ICE1: variants seen among roughly 807,000 people sequenced by gnomAD.
ICE1 encodes interactor of little elongation complex ELL subunit 1.
A neutral mutation model predicts 192.7 loss-of-function variants in ICE1; 64 were observed. The ratio of observed to expected loss-of-function variants is 0.33; its 90% confidence interval spans 0.27 to 0.41. The LOEUF (loss-of-function observed/expected upper bound fraction) is 0.41, where lower values mean the gene tolerates loss of function less well. ICE1 is among the 10% of genes least tolerant of loss of function. The pLI, the probability that ICE1 is intolerant of heterozygous loss-of-function variation, is 1.00. For missense variants in ICE1, 2,708 were observed against 2,696.0 expected (o/e 1.00, Z -0.10); for synonymous variants, 1,010 against 984.5 (o/e 1.03, Z -0.49).
intron 1 of ICE1, among the ~76,000 whole-genome samples, chr5:5,435,608 G>C (rs773981199): frequency 6.6e-6 from 1 of 151,048 alleles, no homozygotes; most frequent in African/African-American, 2.4e-5. Context: ...GTGTAACTAA[G>C]GATGTTTTTC....
In ICE1 at chr5:5,460,639, T is replaced by C. The variant is rs778990877; in HGVS notation, c.1305T>C (p.Asn435=). 1 of 1,613,804 alleles carries C rather than the reference T, an allele frequency of 6.2e-7. No homozygotes were observed. The highest frequency in any genetic ancestry group is 1.1e-5 in the South Asian group (1 of 91,042). ...AAGCTCTGAATACATGGGAAGTAAA[T>C]AAAGTGACAACTTCTGGACTCGAGA... ...AIQALNTWEV[N]KVTTSGLETF... Residue 435 remains asparagine (N), a synonymous_variant, in exon 13 of 19, where the codon AAT becomes AAC. Coordinates refer to ENST00000296564, the MANE Select transcript of ICE1 (RefSeq NM_015325.3).
chr5:5,437,095 A>C lies in ICE1; in HGVS notation c.159A>C (p.Glu53Asp). 6.5e-7 allele frequency: 1 copy of C among 1,532,682 alleles called. No individual in the cohort carries two copies. Among genetic ancestry groups the C allele is most frequent in the Non-Finnish European group, 8.9e-7 (1 of 1,124,314 alleles). 94.9% of individuals were successfully genotyped at this position (1,532,682 alleles called of 1,614,324 possible). The change falls in exon 3 of 19, where the codon GAA becomes GAC. Residue 53 changes from glutamate (E) to aspartate (D), a missense_variant. Glu to Asp is a conservative substitution (Grantham distance 45). Around this residue, in one of 2 missense-constraint regions of ICE1, gnomAD observed 2,366 missense variants for 2,276.6 expected, o/e 1.04. Coordinates refer to ENST00000296564, the MANE Select transcript of ICE1 (RefSeq NM_015325.3). ...TTTTTTGCAGTAATTTGTTAACAGA[A>C]TATCAGAAGAAATGTGATGATATCC... Reference protein sequence around the residue: ...KIINTDNLLTEYQKKCDELQF... With the variant: ...KIINTDNLLTDYQKKCDELQF...
In ICE1 at chr5:5,448,300, A is replaced by G. The variant is rs116371904; in HGVS notation, c.604+403A>G. ...GAATTAAAGCCTTATAGTATATTAT[A>G]TAGTAAAGCCCTATATAGTATAGAC... On this transcript the variant is annotated intron_variant, in intron 10 of 18. Coordinates refer to ENST00000296564, the MANE Select transcript of ICE1 (RefSeq NM_015325.3). Among the ~76,000 whole-genome samples, 1,243 of 152,332 alleles carry G rather than the reference A, an allele frequency of 8.2e-3. 5 individuals carry two copies. Among genetic ancestry groups the G allele is most frequent in the Non-Finnish European group, 0.013 (888 of 68,028 alleles).
In ICE1 at chr5:5,465,901, CTTAG is replaced by C. The variant is rs1278535237; in HGVS notation, c.5893-431_5893-428del. Reference sequence around the variant, plus strand: ...GCTCCTCTTAGGACAAAAAATGTTACTTAGTATTTTAAATTTAAACAGTATATAG... The same window carrying C: ...GCTCCTCTTAGGACAAAAAATGTTACTATTTTAAATTTAAACAGTATATAG... On this transcript the variant is annotated intron_variant, in intron 13 of 18. Transcript: ENST00000296564. 4.6e-5 allele frequency among the ~76,000 whole-genome samples: 7 copies of C among 152,174 alleles called. No homozygotes were observed. In the East Asian group the frequency reaches 1.4e-3, roughly 29 times the overall value.
At chr5:5,426,413 ACT>A (rs1185442578) in intron 1 of ICE1, among the ~76,000 whole-genome samples, 2 of 149,358 alleles carry the variant, frequency 1.3e-5, no homozygotes, top group African/African-American at 5.0e-5. Context: ...CCACCACTGC[ACT>A]CCAGCCTGGG....
chr5:5,428,823 T>G (rs1273504178), intron 1 of ICE1, among the ~76,000 whole-genome samples: 1 of 152,230 alleles, frequency 6.6e-6, no homozygotes, highest in Non-Finnish European at 1.5e-5. Flanking sequence ...CTTCATTTAG[T>G]CTTTGTCTTT....
intron 12 of ICE1, among the ~76,000 whole-genome samples, chr5:5,459,996 C>A (rs192828017): frequency 1.3e-5 from 2 of 152,234 alleles, no homozygotes; most frequent in Admixed American, 6.5e-5. Flanking sequence ...TCCCTCCCCC[C>A]CTGCACAAGG....
At chr5:5,476,891 C>T (rs181379896) in intron 17 of ICE1, among the ~76,000 whole-genome samples, 1 of 152,118 alleles carries the variant, frequency 6.6e-6, no homozygotes, top group Admixed American at 6.5e-5. Context: ...GTCACTTAAG[C>T]GAATTACAGA....
chr5:5,475,940 G>T, intron 16 of ICE1, 33 bp from the exon 17 acceptor site: 2 of 1,248,094 alleles, frequency 1.6e-6, no homozygotes, highest in Non-Finnish European at 1.2e-6. Flanking sequence ...GAGTGATGAT[G>T]AGCATACATC....
chr5:5,468,938 G>A lies in ICE1; in HGVS notation c.6172G>A (p.Ala2058Thr). 6.2e-7 allele frequency: 1 copy of A among 1,605,990 alleles called. No homozygotes were observed. Among genetic ancestry groups the A allele is most frequent in the Non-Finnish European group, 8.5e-7 (1 of 1,176,758 alleles). ...AATGCAGTTAGTTGCCAGGCAACGT[G>A]CTAAAGGAGAGGTTCTGAACTGCTT... ...KAMQLVARQR[A>T]KGEVLNCLRA... Residue 2058 changes from alanine (A) to threonine (T), a missense_variant, in exon 15 of 19, where the codon GCT becomes ACT. Physicochemically the swap from Ala to Thr is moderately conservative, Grantham distance 58. Around this residue, in one of 2 missense-constraint regions of ICE1, gnomAD observed 342 missense variants for 419.3 expected, o/e 0.82. Transcript: ENST00000296564.
rs1738887989 is a variant in ICE1, at chr5:5,463,925, G to A, written c.4591G>A (p.Glu1531Lys). 1.1e-5 allele frequency: 17 copies of A among 1,613,898 alleles called. No individual in the cohort carries two copies. The highest frequency in any genetic ancestry group is 1.4e-5 in the Non-Finnish European group (16 of 1,179,870). The change falls in exon 13 of 19, where the codon GAG (glutamate) becomes AAG (lysine). Residue 1531 changes from glutamate to lysine, a missense_variant. By Grantham distance (56) the Glu-to-Lys change is moderately conservative. Around this residue, in one of 2 missense-constraint regions of ICE1, gnomAD observed 2,366 missense variants for 2,276.6 expected, o/e 1.04. Coordinates refer to ENST00000296564, the MANE Select transcript of ICE1 (RefSeq NM_015325.3). ...ISSQIYDQNF[E>K]TQIVASDHTY... ...TTCTCAAATCTATGATCAAAACTTC[G>A]AGACTCAGATTGTTGCGTCTGATCA...
At chr5:5,446,565 C>T (rs1292575539) in intron 7 of ICE1, among the ~76,000 whole-genome samples, 5 of 152,072 alleles carry the variant, frequency 3.3e-5, no homozygotes, top group African/African-American at 4.8e-5. Flanking sequence ...GGATCACAGT[C>T]GTGAGCCACT....
At position 5,462,104 on chromosome 5, in the gene ICE1, A is replaced by C; in HGVS notation, c.2770A>C (p.Ile924Leu). 1 of 1,613,848 alleles carries C rather than the reference A, an allele frequency of 6.2e-7. No individual in the cohort carries two copies. Residue 924 changes from isoleucine to leucine, a missense_variant, in exon 13 of 19, where the codon ATT becomes CTT. Transcript: ENST00000296564. The stretch of plus-strand genomic sequence containing the variant: ...CACGGAGGTGGCTGCTGTGAAAAGC[A>C]TTTCACCAGAAGTTTCTGCCTCTAG... ...NITEVAAVKSISPEVSASRRK... is the reference protein window; with the variant it reads ...NITEVAAVKSLSPEVSASRRK...
chr5:5,473,478 T>G, intron 15 of ICE1, 80 bp from the exon 16 acceptor site: 1 of 1,208,786 alleles, frequency 8.3e-7, no homozygotes, highest in Non-Finnish European at 1.2e-6. Flanking sequence ...CGAATGCTTA[T>G]TATAGTCTTT....
intron 16 of ICE1, 88 bp downstream of exon 16, chr5:5,473,836 G>GT (rs1739234274): frequency 2.1e-6 from 2 of 940,506 alleles, no homozygotes; most frequent in East Asian, 5.7e-5. Flanking sequence ...CATTTTTGTC[G>GT]TTTAAGTGTG....
chr5:5,442,113 A>G (rs1015885410), intron 5 of ICE1, among the ~76,000 whole-genome samples: 3 of 152,194 alleles, frequency 2.0e-5, no homozygotes, highest in African/African-American at 7.2e-5. Context: ...AAATGCTGTA[A>G]ACTCCCTTTT....
At chr5:5,459,153 G>T (rs1203682441) in intron 12 of ICE1, among the ~76,000 whole-genome samples, 1 of 152,178 alleles carries the variant, frequency 6.6e-6, no homozygotes, top group East Asian at 1.9e-4. Context: ...GATTACAGGC[G>T]TGAGCCACCG....
At chr5:5,459,860 C>T (rs565791822) in intron 12 of ICE1, among the ~76,000 whole-genome samples, 9 of 152,144 alleles carry the variant, frequency 5.9e-5, no homozygotes, top group African/African-American at 9.6e-5. Context: ...GGCTGGAGAA[C>T]GGGCTGGGAG....
rs765439607 is a variant in ICE1 at position 5,465,224 on chromosome 5, A to G, written c.5890A>G (p.Lys1964Glu). ...EVVYEFSTTK[K>E]HLAECLLHSI... ...TGTTTATGAATTTAGCACAACAAAA[A>G]AGGTATGTGGCTGCTCTTTTCTAAG... The change falls in exon 13 of 19, where the codon AAG (lysine) becomes GAG (glutamate). Residue 1964 changes from lysine to glutamate, a missense_variant and splice_region_variant. This residue lies in a region of ICE1 where 342 missense variants were observed against 419.3 expected (regional missense o/e 0.82). Transcript: ENST00000296564. The G allele has an allele frequency of 1.3e-6, 2 of 1,559,926 alleles. No homozygotes were observed.
Sources: gnomAD v4.1 joint callset for allele counts (sites outside exome capture counted in the v4.1 genomes callset) on GRCh38, gnomAD v4.1.1 for gene constraint, gnomAD v4.1.1 regional missense constraint, MANE v1.5 for transcripts, NCBI Gene and HGNC (gene_info 2026-07-23, HGNC 2026-07-21) for gene names.